Variants in PACRG observed in about 807,000 individuals in gnomAD.
PACRG encodes parkin coregulated.
In PACRG, 29 loss-of-function variants were observed where a neutral mutation model predicts 29.7. The observed-to-expected ratio is 0.98, with a 90% CI of 0.73 to 1.33. The LOEUF (loss-of-function observed/expected upper bound fraction) is 1.33. Ranked by LOEUF, PACRG falls within the 40% of genes most tolerant of loss-of-function variation. The probability of loss-of-function intolerance (pLI) is 0.00; values close to 1 mark genes in which losing one functional copy is unlikely to be tolerated. For missense variants in PACRG, 279 were observed against 316.2 expected (o/e 0.88, Z 0.89); for synonymous variants, 116 against 118.7 (o/e 0.98, Z 0.15).
chr6:163,084,348 T>G (rs1813346042), intron 3 of PACRG, among the ~76,000 whole-genome samples: 1 of 152,342 alleles, frequency 6.6e-6, no homozygotes, highest in Non-Finnish European at 1.5e-5. Flanking sequence ...AAAATCTTTT[T>G]GCTTTAATTC....
intron 2 of PACRG, among the ~76,000 whole-genome samples, chr6:162,913,211 G>A (rs766212952): frequency 6.6e-6 from 1 of 152,126 alleles, no homozygotes; most frequent in Non-Finnish European, 1.5e-5. Flanking sequence ...ACCATCTCAG[G>A]AAGCACGATA....
chr6:163,102,061 C>T (rs954369909), intron 4 of PACRG, among the ~76,000 whole-genome samples: 3 of 152,184 alleles, frequency 2.0e-5, no homozygotes, highest in Non-Finnish European at 4.4e-5. Flanking sequence ...CCCAGAGCCT[C>T]GCCCGGTGAA....
intron 4 of PACRG, among the ~76,000 whole-genome samples, chr6:163,285,593 A>G (rs1238250512): frequency 1.3e-5 from 2 of 152,326 alleles, no homozygotes; most frequent in South Asian, 2.1e-4. Context: ...GATATTTGCC[A>G]GAGAAGCAAT....
chr6:163,228,482 T>G (rs575316479), intron 4 of PACRG, among the ~76,000 whole-genome samples: 4 of 151,998 alleles, frequency 2.6e-5, no homozygotes, highest in Non-Finnish European at 5.9e-5. Context: ...CATTAATTCA[T>G]TCAAAATTAT....
intron 4 of PACRG, among the ~76,000 whole-genome samples, chr6:163,232,440 G>C (rs761815429): frequency 1.3e-5 from 2 of 151,866 alleles, no homozygotes; most frequent in Non-Finnish European, 2.9e-5. Flanking sequence ...TTAGTAAGAA[G>C]GGAAGGGAAA....
intron 2 of PACRG, among the ~76,000 whole-genome samples, chr6:163,034,332 A>T (rs1473744139): frequency 6.6e-6 from 1 of 152,238 alleles, no homozygotes; most frequent in African/African-American, 2.4e-5. Flanking sequence ...AAGGCAGATT[A>T]TTCCAAAGAG....
rs576805570 is a variant in PACRG at position 162,910,940 on chromosome 6, G to C, written c.291+96659G>C. On this transcript the variant is annotated intron_variant, in intron 2 of 4. Coordinates refer to ENST00000366888, the MANE Select transcript of PACRG (RefSeq NM_001080379.2). Reference sequence around the variant, plus strand: ...ATGCTGCTGGCTACAGTGATTCTGAGGATTATATATAACTCATTTACCATC... The same window carrying C: ...ATGCTGCTGGCTACAGTGATTCTGACGATTATATATAACTCATTTACCATC... Among the ~76,000 whole-genome samples the C allele has an allele frequency of 7.8e-4, 118 of 152,214 alleles. 2 individuals are homozygous for C. The South Asian group carries it at 0.014, about 18-fold the overall frequency.
chr6:163,070,791 T>A (rs1214825856), intron 3 of PACRG, among the ~76,000 whole-genome samples: 9 of 148,828 alleles, frequency 6.0e-5, no homozygotes, highest in Non-Finnish European at 1.2e-4. Context: ...AAAGACCTAA[T>A]GATCTGTTAC....
At chr6:162,856,382 C>T (rs13210195) in intron 2 of PACRG, among the ~76,000 whole-genome samples, 9,422 of 152,132 alleles carry the variant, frequency 0.062, 533 homozygotes, top group South Asian at 0.25. Context: ...TGCATATAGC[C>T]GTGGAAGTGC....
intron 4 of PACRG, among the ~76,000 whole-genome samples, chr6:163,092,789 A>G (rs899213783): frequency 2.0e-5 from 3 of 152,224 alleles, no homozygotes; most frequent in South Asian, 2.1e-4. Context: ...ATTACACAAC[A>G]TTATATACAT....
rs1779499518 is a variant in PACRG, at chr6:163,178,527, G to A, written c.613+89119G>A. Among the ~76,000 whole-genome samples, 2 of 152,268 alleles carry A rather than the reference G, an allele frequency of 1.3e-5. 1 individual carries two copies. Among genetic ancestry groups the A allele is most frequent in the South Asian group, 4.1e-4 (2 of 4,826 alleles). On this transcript the variant is annotated intron_variant, in intron 4 of 4. Coordinates refer to ENST00000366888, the MANE Select transcript of PACRG (RefSeq NM_001080379.2). ...TTAGTATTAAAGTAGGAGAAGCCCCGTTCTTCTCTGACTTCATAGAGCCGT... is the reference window on the plus strand; with the variant it reads ...TTAGTATTAAAGTAGGAGAAGCCCCATTCTTCTCTGACTTCATAGAGCCGT...
At chr6:162,754,894 T>C (rs1781784836) in intron 1 of PACRG, among the ~76,000 whole-genome samples, 1 of 152,206 alleles carries the variant, frequency 6.6e-6, no homozygotes, top group Non-Finnish European at 1.5e-5. Context: ...AATTCCACAG[T>C]AAAGCCATCC....
chr6:163,283,489 G>A (rs1204655146), intron 4 of PACRG, among the ~76,000 whole-genome samples: 4 of 152,210 alleles, frequency 2.6e-5, no homozygotes, highest in African/African-American at 9.7e-5. Context: ...AAATCAATGT[G>A]TTAGGTTTTT....
upstream of PACRG, chr6:162,727,716 G>T (rs1346951062): frequency 5.2e-6 from 8 of 1,550,970 alleles, no homozygotes; most frequent in Admixed American, 1.9e-5. Context: ...GCCCATGCGC[G>T]CAGCGGCGCC....
At chr6:162,985,685 A>G (rs1376526515) in intron 2 of PACRG, among the ~76,000 whole-genome samples, 1 of 152,150 alleles carries the variant, frequency 6.6e-6, no homozygotes. Context: ...TATTCAACAT[A>G]GTGCTGGTAT....
chr6:163,171,344 A>C (rs1779074365), intron 4 of PACRG, among the ~76,000 whole-genome samples: 1 of 152,184 alleles, frequency 6.6e-6, no homozygotes, highest in Non-Finnish European at 1.5e-5. Context: ...AAGAGCTGGC[A>C]TTGACTGAGT....
At chr6:162,903,584 C>A (rs1056520151) in intron 2 of PACRG, among the ~76,000 whole-genome samples, 2 of 152,094 alleles carry the variant, frequency 1.3e-5, no homozygotes, top group Non-Finnish European at 2.9e-5. Flanking sequence ...GAGACTGATT[C>A]ACTACCACAA....
intron 2 of PACRG, among the ~76,000 whole-genome samples, chr6:162,971,196 T>A (rs1584906666): frequency 6.6e-6 from 1 of 152,214 alleles, no homozygotes; most frequent in African/African-American, 2.4e-5. Flanking sequence ...AAATAAAGAA[T>A]CAGACAACGA....
chr6:163,122,286 T>TACACACACACACACACACACAC (rs57013650), intron 4 of PACRG, among the ~76,000 whole-genome samples: 9 of 151,108 alleles, frequency 6.0e-5, no homozygotes, highest in African/African-American at 1.9e-4. Context: ...TTAACGCATT[T>TACACACACACACACACACACAC]ACACACACAC....
Sources: gnomAD v4.1 joint callset for allele counts (sites outside exome capture counted in the v4.1 genomes callset) on GRCh38, gnomAD v4.1.1 for gene constraint, MANE v1.5 for transcripts, NCBI Gene and HGNC (gene_info 2026-07-23, HGNC 2026-07-21) for gene names.